Variants in RBMS1 observed in about 807,000 individuals in gnomAD.
The protein encoded by RBMS1 is RNA-binding motif, single-stranded-interacting protein 1.
RBMS1 carries 17 observed loss-of-function variants against 62.3 expected under a neutral mutation model. The observed-to-expected ratio is 0.27, with a 90% CI of 0.19 to 0.41. The LOEUF (loss-of-function observed/expected upper bound fraction) is 0.41, where lower values mean the gene tolerates loss of function less well. Among genes scored for constraint, RBMS1 ranks in the 10% least tolerant of loss-of-function variants. The pLI is 1.00. For synonymous variants in RBMS1, 172 were observed against 170.0 expected (o/e 1.01, Z -0.09); for missense variants, 334 against 504.5 (o/e 0.66, Z 3.24).
chr2:160,466,979 T>C (rs923813117), intron 1 of RBMS1, among the ~76,000 whole-genome samples: 2 of 152,142 alleles, frequency 1.3e-5, no homozygotes, highest in Non-Finnish European at 2.9e-5. Context: ...TGCCTGACAA[T>C]AGTAGGCAAT....
At chr2:160,300,971 T>C (rs929079824) in intron 5 of RBMS1, among the ~76,000 whole-genome samples, 3 of 152,220 alleles carry the variant, frequency 2.0e-5, no homozygotes, top group African/African-American at 7.2e-5. Flanking sequence ...CTACTGAGTG[T>C]TTAAGATCAA....
chr2:160,478,726 C>G (rs1462717920), intron 1 of RBMS1, among the ~76,000 whole-genome samples: 1 of 152,204 alleles, frequency 6.6e-6, no homozygotes, highest in Non-Finnish European at 1.5e-5. Context: ...ACATTTTCAG[C>G]TGGTGGACTT....
rs570861433 is a variant in RBMS1, at chr2:160,312,147, C to G, written c.402+1009G>C. On this transcript the variant is annotated intron_variant, in intron 4 of 13. Transcript: ENST00000348849. ...TCCAGCTTTAGAATTATGACTGCAC[C>G]TGAACTAGGGATTTAGATCATGTAA... Among the ~76,000 whole-genome samples, 3 of 152,262 alleles carry G rather than the reference C, an allele frequency of 2.0e-5. No homozygotes were observed. The South Asian group carries it at 6.2e-4, about 32-fold the overall frequency.
intron 1 of RBMS1, among the ~76,000 whole-genome samples, chr2:160,433,316 G>C (rs1682976340): frequency 1.3e-5 from 2 of 152,308 alleles, no homozygotes; most frequent in Admixed American, 1.3e-4. Context: ...TCGGGAGGCT[G>C]AGGTAGGAGG....
intron 1 of RBMS1, among the ~76,000 whole-genome samples, chr2:160,375,566 G>A (rs984953535): frequency 1.3e-5 from 2 of 152,108 alleles, no homozygotes; most frequent in African/African-American, 2.4e-5. Flanking sequence ...GTGTTTCAAC[G>A]TGTAATCAGT....
At chr2:160,417,151 A>G (rs945240018) in intron 1 of RBMS1, among the ~76,000 whole-genome samples, 2 of 152,180 alleles carry the variant, frequency 1.3e-5, no homozygotes, top group African/African-American at 2.4e-5. Context: ...ACACACACAC[A>G]CGCATGCACA....
chr2:160,450,476 G>T (rs926892772), intron 1 of RBMS1, among the ~76,000 whole-genome samples: 2 of 149,186 alleles, frequency 1.3e-5, no homozygotes, highest in African/African-American at 4.9e-5. Flanking sequence ...GAGGGCGGAG[G>T]CTGCAGTGAG....
At chr2:160,462,834 G>A (rs1684523428) in intron 1 of RBMS1, among the ~76,000 whole-genome samples, 1 of 152,014 alleles carries the variant, frequency 6.6e-6, no homozygotes, top group South Asian at 2.1e-4. Context: ...GACCTCAGGT[G>A]ATCCACCCGC....
Position 160,298,206 on chromosome 2 carries a change from G to C in RBMS1, c.640+2445C>G, listed in dbSNP as rs527638769. Among the ~76,000 whole-genome samples, 13 of 152,242 alleles carry C rather than the reference G, an allele frequency of 8.5e-5. No homozygotes were observed. In the South Asian group the frequency reaches 2.3e-3, roughly 27 times the overall value. On this transcript the variant is annotated intron_variant, in intron 6 of 13. Coordinates refer to ENST00000348849, the MANE Select transcript of RBMS1 (RefSeq NM_016836.4). Reference sequence around the variant, plus strand: ...AGATACAAAGCACAGGGGAGGTAGGGGAGTCCAGTCCTGGGTTTCTAGCTT... The same window carrying C: ...AGATACAAAGCACAGGGGAGGTAGGCGAGTCCAGTCCTGGGTTTCTAGCTT...
chr2:160,278,512 G>A (rs1363889635), intron 11 of RBMS1, 36 bp downstream of exon 11: 23 of 1,536,562 alleles, frequency 1.5e-5, no homozygotes, highest in Non-Finnish European at 1.9e-5. Flanking sequence ...ACCCTCCTCT[G>A]TTTACAGAGA....
chr2:160,282,084 A>G (rs1688130947), intron 9 of RBMS1: 1 of 435,002 alleles, frequency 2.3e-6, no homozygotes, highest in Admixed American at 3.4e-5. Flanking sequence ...AAAACATATC[A>G]GCCCATTTCT....
chr2:160,337,936 C>G (rs1488307126), intron 2 of RBMS1, among the ~76,000 whole-genome samples: 1 of 152,162 alleles, frequency 6.6e-6, no homozygotes, highest in Non-Finnish European at 1.5e-5. Context: ...TCACCCCCGA[C>G]CAGGCATTCT....
chr2:160,421,007 C>T (rs973024227), intron 1 of RBMS1, among the ~76,000 whole-genome samples: 5 of 152,112 alleles, frequency 3.3e-5, no homozygotes, highest in African/African-American at 4.8e-5. Context: ...TTACTTTCCC[C>T]GGATGGCACA....
chr2:160,483,561 C>CTACA (rs1685457369), intron 1 of RBMS1, among the ~76,000 whole-genome samples: 1 of 152,156 alleles, frequency 6.6e-6, no homozygotes, highest in Non-Finnish European at 1.5e-5. Context: ...TAATCATAAT[C>CTACA]TACAGCATTA....
At chr2:160,431,130 T>C (rs1266064636) in intron 1 of RBMS1, among the ~76,000 whole-genome samples, 1 of 143,558 alleles carries the variant, frequency 7.0e-6, no homozygotes, top group Non-Finnish European at 1.5e-5. Flanking sequence ...ACCTAGGCAA[T>C]AGTCTAATAA....
rs184814812 is a variant in RBMS1, at chr2:160,491,172, C to T, written c.75+2117G>A. Among the ~76,000 whole-genome samples the T allele has an allele frequency of 5.3e-5, 8 of 152,030 alleles. No individual in the cohort carries two copies. The East Asian group carries it at 1.4e-3, about 26-fold the overall frequency. On this transcript the variant is annotated intron_variant, in intron 1 of 13. Transcript: ENST00000348849. Reference sequence around the variant, plus strand: ...CCTAAAATTTGCATCTAGTCACGTGCCATTTTTAGAAGATGTCCCCTTCTG... The same window carrying T: ...CCTAAAATTTGCATCTAGTCACGTGTCATTTTTAGAAGATGTCCCCTTCTG...
chr2:160,464,108 A>C (rs1247808570), intron 1 of RBMS1, among the ~76,000 whole-genome samples: 1 of 152,122 alleles, frequency 6.6e-6, no homozygotes, highest in Non-Finnish European at 1.5e-5. Context: ...CCTTCAGGAA[A>C]CACACACCAT....
intron 1 of RBMS1, among the ~76,000 whole-genome samples, chr2:160,471,716 T>TATATATATATA (rs371634389): frequency 1.3e-5 from 1 of 76,244 alleles, no homozygotes; most frequent in African/African-American, 4.4e-5. Flanking sequence ...TATATATATA[T>TATATATATATA]AACCTTTCAT....
chr2:160,419,936 T>C (rs888914874), intron 1 of RBMS1, among the ~76,000 whole-genome samples: 7 of 152,242 alleles, frequency 4.6e-5, no homozygotes, highest in Non-Finnish European at 8.8e-5. Flanking sequence ...TGCTAATTTC[T>C]ACATTTGACA....
Sources: allele counts gnomAD v4.1 joint callset (sites outside exome capture counted in the v4.1 genomes callset), GRCh38; gene constraint gnomAD v4.1.1; transcripts MANE v1.5; gene names NCBI Gene and HGNC (gene_info 2026-07-23, HGNC 2026-07-21).